Variants in AOAH observed in about 807,000 individuals in gnomAD.
The protein encoded by AOAH is acyloxyacyl hydrolase (neutrophil).
AOAH carries 64 observed loss-of-function variants against 92.2 expected under a neutral mutation model. The ratio of observed to expected loss-of-function variants is 0.69; its 90% CI spans 0.57 to 0.86. AOAH has a LOEUF of 0.86. AOAH is among the 40% of genes least tolerant of loss of function. AOAH has a pLI of 0.00. For missense variants in AOAH, 656 were observed against 694.6 expected (o/e 0.94, Z 0.62); for synonymous variants, 263 against 254.5 (o/e 1.03, Z -0.32).
chr7:36,641,115 C>T (rs1043496875), intron 4 of AOAH, among the ~76,000 whole-genome samples: 7 of 152,302 alleles, frequency 4.6e-5, no homozygotes, highest in Middle Eastern at 3.4e-3. Flanking sequence ...ACAGCGCAGT[C>T]CACCCAGAGG....
At chr7:36,531,410 G>A (rs558959359) in intron 18 of AOAH, among the ~76,000 whole-genome samples, 36 of 152,192 alleles carry the variant, frequency 2.4e-4, no homozygotes, top group African/African-American at 8.7e-4. Flanking sequence ...GCAATGGCGC[G>A]ATCTTGGCTC....
chr7:36,713,313 C>T (rs1286499589), intron 1 of AOAH, among the ~76,000 whole-genome samples: 1 of 26,776 alleles, frequency 3.7e-5, no homozygotes, highest in Non-Finnish European at 8.9e-5. Flanking sequence ...TACAGGAGCA[C>T]CCAGATTCAT....
chr7:36,659,441 T>C (rs933307076), intron 3 of AOAH, among the ~76,000 whole-genome samples, 176 bp from the exon 4 acceptor site: 1 of 151,616 alleles, frequency 6.6e-6, no homozygotes, highest in Non-Finnish European at 1.5e-5. Flanking sequence ...TTCCTGCCAC[T>C]GTTGCTCTCT....
At chr7:36,543,947 C>CTTTCTTTTTTTTTTTTTTTTTTTT (rs55745823) in intron 15 of AOAH, among the ~76,000 whole-genome samples, 1 of 91,008 alleles carries the variant, frequency 1.1e-5, no homozygotes, top group African/African-American at 4.3e-5. Context: ...TTCTTTCTTT[C>CTTTCTTTTTTTTTTTTTTTTTTTT]TTTTTTTTTT....
chr7:36,527,368 A>G (rs1784452116), intron 19 of AOAH, among the ~76,000 whole-genome samples: 1 of 152,210 alleles, frequency 6.6e-6, no homozygotes, highest in African/African-American at 2.4e-5. Context: ...TACCAAAATG[A>G]GAGGAGAGAT....
chr7:36,672,809 T>A (rs1796010158), intron 3 of AOAH, among the ~76,000 whole-genome samples: 1 of 151,998 alleles, frequency 6.6e-6, no homozygotes, highest in African/African-American at 2.4e-5. Context: ...TTCCTAGGAG[T>A]ACTGTTCACA....
intron 4 of AOAH, among the ~76,000 whole-genome samples, chr7:36,651,694 G>A (rs2116454866): frequency 6.6e-6 from 1 of 152,340 alleles, no homozygotes; most frequent in African/African-American, 2.4e-5. Context: ...CAGTGCTGAT[G>A]TGAAGAGCTG....
chr7:36,644,704 G>C (rs1192155215), intron 4 of AOAH, among the ~76,000 whole-genome samples: 3 of 152,130 alleles, frequency 2.0e-5, no homozygotes, highest in Admixed American at 6.5e-5. Flanking sequence ...GTGCTTTTAG[G>C]CATGAGTTTC....
chr7:36,623,048 A>T, intron 7 of AOAH, 142 bp downstream of exon 7: 1 of 806,624 alleles, frequency 1.2e-6, no homozygotes, highest in South Asian at 1.5e-5. Flanking sequence ...CTCAAAAAAG[A>T]AAAGAAATTG....
intron 9 of AOAH, among the ~76,000 whole-genome samples, chr7:36,619,902 C>A (rs1792159154): frequency 6.6e-6 from 1 of 152,068 alleles, no homozygotes; most frequent in Non-Finnish European, 1.5e-5. Context: ...TACTTTTGCA[C>A]CAACATAATA....
rs758649779 is a variant in AOAH, at chr7:36,724,110, T to G, written c.39A>C (p.Leu13=). Residue 13 remains leucine, a synonymous_variant, in exon 1 of 21, where the codon CTA becomes CTC. Coordinates refer to ENST00000617537, the MANE Select transcript of AOAH (RefSeq NM_001637.4). The part of the protein sequence containing the change: ...SPWKILTVAP[L]FLLLSLQSSA... ...AGGACTGAAGAGACAGGAGCAAGAA[T>G]AGAGGCGCCACCGTAAGGATTTTCC... 6.2e-7 allele frequency: 1 copy of G among 1,613,610 alleles called. No individual in the cohort carries two copies. The highest frequency in any genetic ancestry group is 2.2e-5 in the East Asian group (1 of 44,818).
At chr7:36,527,601 G>A (rs930104774) in intron 19 of AOAH, among the ~76,000 whole-genome samples, 2 of 152,050 alleles carry the variant, frequency 1.3e-5, no homozygotes, top group Non-Finnish European at 2.9e-5. Context: ...GGCGGGGGAC[G>A]GCCACTAACA....
chr7:36,515,947 C>T (rs1346090308), intron 20 of AOAH, among the ~76,000 whole-genome samples: 1 of 145,156 alleles, frequency 6.9e-6, no homozygotes, highest in Non-Finnish European at 1.5e-5. Context: ...CCCCCACATC[C>T]CACACACAGC....
chr7:36,568,873 A>G (rs1787895368), intron 13 of AOAH, among the ~76,000 whole-genome samples: 1 of 152,142 alleles, frequency 6.6e-6, no homozygotes, highest in African/African-American at 2.4e-5. Flanking sequence ...TGGTTTAACC[A>G]AAGTCCAAAG....
intron 1 of AOAH, among the ~76,000 whole-genome samples, chr7:36,701,353 C>T (rs1469849946): frequency 3.3e-5 from 5 of 151,620 alleles, no homozygotes; most frequent in African/African-American, 4.8e-5. Context: ...TTAATTCTAT[C>T]GATTAAGAAG....
intron 9 of AOAH, among the ~76,000 whole-genome samples, chr7:36,619,009 A>G (rs1792100019): frequency 6.6e-6 from 1 of 152,194 alleles, no homozygotes. Context: ...GGGACATCCT[A>G]AAACCTAAAC....
intron 1 of AOAH, among the ~76,000 whole-genome samples, chr7:36,708,484 G>C (rs1798565119): frequency 6.6e-6 from 1 of 151,800 alleles, no homozygotes; most frequent in Non-Finnish European, 1.5e-5. Flanking sequence ...TTTCGCTATG[G>C]TGGTCTTTAA....
intron 12 of AOAH, among the ~76,000 whole-genome samples, chr7:36,585,126 T>C (rs1789224798): frequency 6.6e-6 from 1 of 151,372 alleles, no homozygotes; most frequent in South Asian, 2.1e-4. Context: ...GGGGTCAGTA[T>C]GAAGGGGCTG....
chr7:36,707,251 A>G (rs1798478190), intron 1 of AOAH, among the ~76,000 whole-genome samples: 1 of 152,050 alleles, frequency 6.6e-6, no homozygotes, highest in Non-Finnish European at 1.5e-5. Context: ...TAGGGAGGGC[A>G]ATGGAGAGGG....
Sources: allele counts gnomAD v4.1 joint callset (sites outside exome capture counted in the v4.1 genomes callset), GRCh38; gene constraint gnomAD v4.1.1; transcripts MANE v1.5; gene names NCBI Gene and HGNC (gene_info 2026-07-23, HGNC 2026-07-21).